Variants in CCDC144A observed in about 807,000 individuals in gnomAD.
CCDC144A encodes the protein coiled-coil domain-containing protein 144A.
CCDC144A carries 41 observed loss-of-function variants against 143.8 expected under a neutral mutation model. The observed-to-expected ratio is 0.29, with a 90% CI of 0.22 to 0.37. CCDC144A has a LOEUF of 0.37. Ranked by LOEUF, CCDC144A falls within the 10% of genes least tolerant of loss-of-function variation. The pLI, the probability that CCDC144A is intolerant of heterozygous loss-of-function variation, is 1.00. For synonymous variants in CCDC144A, 242 were observed against 517.9 expected (o/e 0.47, Z 7.23); for missense variants, 637 against 1,488.8 (o/e 0.43, Z 9.41).
intron 15 of CCDC144A, among the ~76,000 whole-genome samples, chr17:16,768,867 T>G (rs1250231267): frequency 6.6e-5 from 10 of 151,416 alleles, no homozygotes; most frequent in Non-Finnish European, 1.2e-4. Flanking sequence ...ATTAGAAAAG[T>G]CAAGGAAGAA....
At chr17:16,705,953 A>C (rs1458200056) in intron 3 of CCDC144A, 1 of 159,112 alleles carries the variant, frequency 6.3e-6, no homozygotes, top group African/African-American at 2.4e-5. Flanking sequence ...CATGGTGGTG[A>C]ACGCTTGTAG....
At chr17:16,703,766 G>C (rs949058814) in intron 2 of CCDC144A, among the ~76,000 whole-genome samples, 54 of 152,154 alleles carry the variant, frequency 3.5e-4, no homozygotes, top group African/African-American at 1.3e-3. Context: ...TCGCGCCACT[G>C]CACTCCAGGC....
intron 12 of CCDC144A, among the ~76,000 whole-genome samples, chr17:16,740,615 G>C (rs1224226433): frequency 2.6e-5 from 4 of 152,122 alleles, no homozygotes; most frequent in Non-Finnish European, 1.5e-5. Context: ...AGGTAAAGGG[G>C]AAATTGCATT....
intron 15 of CCDC144A, among the ~76,000 whole-genome samples, chr17:16,767,591 C>T (rs1010500971): frequency 6.6e-5 from 10 of 152,094 alleles, no homozygotes; most frequent in Non-Finnish European, 1.0e-4. Context: ...TTTTTAGCTA[C>T]GATTTTCAAA....
intron 12 of CCDC144A, among the ~76,000 whole-genome samples, chr17:16,760,352 G>C: frequency 6.8e-6 from 1 of 147,714 alleles, no homozygotes; most frequent in Non-Finnish European, 1.5e-5. Context: ...CTAAAGGAAA[G>C]CAGTTATTTC....
In CCDC144A at chr17:16,711,136, GAAAAA is replaced by G. The variant is rs1210697273; in HGVS notation, c.1579-525_1579-521del. On this transcript the variant is annotated intron_variant, in intron 5 of 16. Transcript: ENST00000399273. Reference sequence around the variant, plus strand: ...CTTTTTGATATCCCAGGATTCAAATGAAAAAAAAAAAAAAAAAAAAAACAAAAGTT... The same window carrying G: ...CTTTTTGATATCCCAGGATTCAAATGAAAAAAAAAAAAAAAAACAAAAGTT... Among the ~76,000 whole-genome samples the G allele has an allele frequency of 6.9e-4, 15 of 21,774 alleles. 1 individual carries two copies. The highest frequency in any genetic ancestry group is 2.3e-3 in the African/African-American group (13 of 5,752). 14.3% of individuals were successfully genotyped at this position (21,774 alleles called of 152,430 possible). A position where few individuals can be genotyped will look rare whatever the true frequency, so the allele number is the denominator to read the frequency against.
intron 9 of CCDC144A, among the ~76,000 whole-genome samples, chr17:16,730,907 C>A: frequency 7.0e-6 from 1 of 143,870 alleles, no homozygotes; most frequent in East Asian, 2.0e-4. Flanking sequence ...GTTTTCTAAG[C>A]TAAAACAGAG....
At chr17:16,699,472 T>C (rs1324131346) in intron 2 of CCDC144A, among the ~76,000 whole-genome samples, 1 of 112,622 alleles carries the variant, frequency 8.9e-6, no homozygotes, top group Non-Finnish European at 1.8e-5. Flanking sequence ...GCCTCCCGGG[T>C]TCACACCATT....
At chr17:16,743,783 A>G (rs1385062533) in intron 12 of CCDC144A, among the ~76,000 whole-genome samples, 5 of 152,124 alleles carry the variant, frequency 3.3e-5, no homozygotes, top group Non-Finnish European at 5.9e-5. Context: ...TGAACCTATC[A>G]CCCAGGTAAT....
rs1360395049 is a variant in CCDC144A at position 16,690,296 on chromosome 17, G to A, written c.-105G>A. ...TGGTCGCTTGGCTTGGCGTGGCAGT[G>A]ATCGCTTGGCTTGGCATTTCTGGCT... On this transcript the variant is annotated 5_prime_UTR_variant, in exon 1 of 17. Coordinates refer to ENST00000399273, the MANE Select transcript of CCDC144A (RefSeq NM_001382000.1). 11 of 871,006 alleles carry A rather than the reference G, an allele frequency of 1.3e-5. No homozygotes were observed. The Admixed American group carries it at 3.3e-4, about 26-fold the overall frequency. The allele number at this position is 871,006 out of a possible 1,614,324, so 54.0% of individuals were successfully genotyped here.
Position 16,707,815 on chromosome 17 carries a change from T to C in CCDC144A, c.738+273T>C, listed in dbSNP as rs185789552. Reference sequence around the variant, plus strand: ...CTCTTCCATTCTTACAATATCCTTATGGGATAAAGAAGATAATGTCAATTA... The same window carrying C: ...CTCTTCCATTCTTACAATATCCTTACGGGATAAAGAAGATAATGTCAATTA... On this transcript the variant is annotated intron_variant, in intron 4 of 16. Coordinates refer to ENST00000399273, the MANE Select transcript of CCDC144A (RefSeq NM_001382000.1). 3.8e-3 allele frequency among the ~76,000 whole-genome samples: 583 copies of C among 152,306 alleles called. 6 individuals are homozygous for C. The highest frequency in any genetic ancestry group is 0.013 in the African/African-American group (555 of 41,578).
chr17:16,714,316 C>T (rs930817582), intron 6 of CCDC144A, among the ~76,000 whole-genome samples: 6 of 152,208 alleles, frequency 3.9e-5, no homozygotes, highest in African/African-American at 1.4e-4. Flanking sequence ...TCTACACCAA[C>T]CTGCCTACTT....
chr17:16,720,326 T>C, intron 7 of CCDC144A, 95 bp downstream of exon 7: 1 of 1,491,184 alleles, frequency 6.7e-7, no homozygotes, highest in Non-Finnish European at 8.9e-7. Context: ...GTTGTAAGGC[T>C]GTTTGCTTAG....
At chr17:16,680,558 A>T in the CCDC144A span, among the ~76,000 whole-genome samples, 1 of 149,218 alleles carries the variant, frequency 6.7e-6, no homozygotes, top group South Asian at 2.2e-4. Context: ...AGAAAGAAAG[A>T]GAGAGAGAGA....
At chr17:16,759,572 T>C (rs1328663606) in intron 12 of CCDC144A, among the ~76,000 whole-genome samples, 1 of 150,498 alleles carries the variant, frequency 6.6e-6, no homozygotes, top group Non-Finnish European at 1.5e-5. Context: ...ACAGTGCCCT[T>C]TCCTTCAGGT....
chr17:16,720,668 C>T lies in CCDC144A; in HGVS notation c.1891+10C>T. 6.6e-7 allele frequency: 1 copy of T among 1,514,538 alleles called. No individual in the cohort carries two copies. Among genetic ancestry groups the T allele is most frequent in the Non-Finnish European group, 8.8e-7 (1 of 1,133,774 alleles). The allele number at this position is 1,514,538 out of a possible 1,614,324, so 93.8% of individuals were successfully genotyped here. The stretch of plus-strand genomic sequence containing the variant: ...AGAATGGAGTATAAAGGTAGGACCA[C>T]TGCATAAATGCAAGGCCTTTTGATG... On this transcript the variant is annotated intron_variant, in intron 8 of 16. Coordinates refer to ENST00000399273, the MANE Select transcript of CCDC144A (RefSeq NM_001382000.1).
At chr17:16,678,751 G>GTTCT in the CCDC144A span, among the ~76,000 whole-genome samples, 13 of 78,050 alleles carry the variant, frequency 1.7e-4, no homozygotes, top group African/African-American at 6.0e-4. Context: ...TGGCTAATTT[G>GTTCT]TTTTTTTTTT....
the CCDC144A span, among the ~76,000 whole-genome samples, chr17:16,672,850 T>C: frequency 6.6e-6 from 1 of 152,102 alleles, no homozygotes; most frequent in Non-Finnish European, 1.5e-5. Context: ...GTGTCAATAT[T>C]TGTGTGATCC....
At chr17:16,724,312 T>C (rs1405588512) in intron 8 of CCDC144A, among the ~76,000 whole-genome samples, 1 of 151,884 alleles carries the variant, frequency 6.6e-6, no homozygotes, top group East Asian at 1.9e-4. Flanking sequence ...CTGAGGCGGA[T>C]GGATCACGAG....
Sources: allele counts gnomAD v4.1 joint callset (sites outside exome capture counted in the v4.1 genomes callset), GRCh38; gene constraint gnomAD v4.1.1; transcripts MANE v1.5; gene names NCBI Gene and HGNC (gene_info 2026-07-23, HGNC 2026-07-21).